Variants in GRM7 observed in about 807,000 individuals in gnomAD.
GRM7 encodes the protein metabotropic glutamate receptor 7.
A neutral mutation model predicts 84.5 loss-of-function variants in GRM7; 35 were observed. The ratio of observed to expected loss-of-function variants is 0.41; its 90% CI spans 0.32 to 0.55. The LOEUF (loss-of-function observed/expected upper bound fraction) is 0.55, where lower values mean the gene tolerates loss of function less well. GRM7 is among the 20% of genes least tolerant of loss of function. The pLI is 0.19. For missense variants in GRM7, 1,003 were observed against 1,194.6 expected (o/e 0.84, Z 2.36); for synonymous variants, 487 against 455.1 (o/e 1.07, Z -0.89).
intron 8 of GRM7, among the ~76,000 whole-genome samples, chr3:7,671,886 A>C (rs573304975): frequency 4.9e-4 from 75 of 152,160 alleles, no homozygotes; most frequent in Non-Finnish European, 9.0e-4. Context: ...ATGAGGTAGG[A>C]GTTTATATCA....
At chr3:6,869,763 A>G (rs1391645464) in intron 1 of GRM7, among the ~76,000 whole-genome samples, 1 of 152,182 alleles carries the variant, frequency 6.6e-6, no homozygotes, top group African/African-American at 2.4e-5. Context: ...GGAAATAATG[A>G]ATTCCATGGA....
chr3:7,520,377 A>C (rs1700550158), intron 7 of GRM7: 1 of 152,214 alleles, frequency 6.6e-6, no homozygotes. Context: ...GTATGTATCC[A>C]GCTTAGGCAT....
intron 4 of GRM7, among the ~76,000 whole-genome samples, chr3:7,382,428 CT>C (rs1347492680): frequency 1.3e-5 from 2 of 152,108 alleles, no homozygotes; most frequent in African/African-American, 4.8e-5. Flanking sequence ...TGGTGTGTAT[CT>C]TGGCTTTATT....
At chr3:7,070,345 C>A (rs962979006) in intron 1 of GRM7, among the ~76,000 whole-genome samples, 27 of 152,182 alleles carry the variant, frequency 1.8e-4, no homozygotes, top group African/African-American at 6.0e-4. Flanking sequence ...AACCTGCTCT[C>A]AATGTTGTAG....
chr3:7,468,528 T>C (rs1294190544), intron 7 of GRM7, among the ~76,000 whole-genome samples: 1 of 152,152 alleles, frequency 6.6e-6, no homozygotes, highest in African/African-American at 2.4e-5. Flanking sequence ...ATGTAGTAAA[T>C]GTTCAGCAAA....
At chr3:6,955,554 G>C (rs1229648117) in intron 1 of GRM7, among the ~76,000 whole-genome samples, 1 of 151,088 alleles carries the variant, frequency 6.6e-6, no homozygotes, top group Non-Finnish European at 1.5e-5. Context: ...AAGAAGAATA[G>C]AATGACAGGG....
intron 1 of GRM7, among the ~76,000 whole-genome samples, chr3:6,906,553 ATT>A (rs944760759): frequency 6.6e-6 from 1 of 152,080 alleles, no homozygotes; most frequent in African/African-American, 2.4e-5. Flanking sequence ...GACTGGGGGC[ATT>A]TAAAATAATT....
At chr3:7,424,356 C>T (rs1452102157) in intron 5 of GRM7, among the ~76,000 whole-genome samples, 2 of 151,862 alleles carry the variant, frequency 1.3e-5, no homozygotes, top group African/African-American at 4.8e-5. Flanking sequence ...TTAAGTAGCC[C>T]ATCTTTCCTT....
intron 4 of GRM7, among the ~76,000 whole-genome samples, chr3:7,372,534 T>A (rs572716147): frequency 5.3e-4 from 81 of 152,248 alleles, no homozygotes; most frequent in African/African-American, 1.9e-3. Flanking sequence ...AGGCCTTAAT[T>A]GTACGCCATT....
At chr3:7,630,886 A>G (rs1697832741) in intron 8 of GRM7, among the ~76,000 whole-genome samples, 1 of 152,210 alleles carries the variant, frequency 6.6e-6, no homozygotes, top group African/African-American at 2.4e-5. Flanking sequence ...CATTGCTGTT[A>G]AGTGTTAAGC....
At chr3:7,070,620 A>G (rs1317393145) in intron 1 of GRM7, among the ~76,000 whole-genome samples, 1 of 151,984 alleles carries the variant, frequency 6.6e-6, no homozygotes, top group African/African-American at 2.4e-5. Flanking sequence ...CACTACGGGG[A>G]TATAACGGAT....
intron 8 of GRM7, chr3:7,591,472 G>C (rs1010969620): frequency 9.0e-6 from 4 of 446,148 alleles, no homozygotes; most frequent in Non-Finnish European, 1.8e-5. Context: ...GTTTTATGCT[G>C]TATATCAAAA....
In GRM7 at chr3:7,079,912, G is replaced by A. The variant is rs139743112; in HGVS notation, c.520-66540G>A. On this transcript the variant is annotated intron_variant, in intron 1 of 9. Coordinates refer to ENST00000357716, the MANE Select transcript of GRM7 (RefSeq NM_000844.4). Reference sequence around the variant, plus strand: ...TGGAGCAAGTGCTCAATAAGTGTTTGTTCATTTGTTTTTCTAGCTGGAAAT... The same window carrying A: ...TGGAGCAAGTGCTCAATAAGTGTTTATTCATTTGTTTTTCTAGCTGGAAAT... 4.6e-5 allele frequency among the ~76,000 whole-genome samples: 7 copies of A among 152,178 alleles called. No individual in the cohort carries two copies. In the East Asian group the frequency reaches 1.2e-3, roughly 25 times the overall value.
chr3:6,893,559 A>G lies in GRM7; in HGVS notation c.519+31652A>G, dbSNP rs78173300. Among the ~76,000 whole-genome samples the G allele has an allele frequency of 6.4e-3, 974 of 152,286 alleles. 15 individuals carry two copies. Among genetic ancestry groups the G allele is most frequent in the African/African-American group, 0.023 (947 of 41,566 alleles). On this transcript the variant is annotated intron_variant, in intron 1 of 9. Transcript: ENST00000357716. ...AACATGCCCACCATCTTGTAAGTATATGCCATTAGTTTTATAGGTGCTCAA... is the reference window on the plus strand; with the variant it reads ...AACATGCCCACCATCTTGTAAGTATGTGCCATTAGTTTTATAGGTGCTCAA...
At chr3:6,875,353 G>A (rs1695263591) in intron 1 of GRM7, among the ~76,000 whole-genome samples, 1 of 152,034 alleles carries the variant, frequency 6.6e-6, no homozygotes, top group Non-Finnish European at 1.5e-5. Flanking sequence ...TGTGCTGAGG[G>A]CGGGGCCAGG....
At position 7,714,545 on chromosome 3, in the gene GRM7, T is replaced by G. The variant is rs1453637941; in HGVS notation, c.2699-25812T>G. ...AGAAATGCATTCACTTAGGTTCCATTGCAGATTGAGTCAGAATCTGCATTC... is the reference window on the plus strand; with the variant it reads ...AGAAATGCATTCACTTAGGTTCCATGGCAGATTGAGTCAGAATCTGCATTC... On this transcript the variant is annotated intron_variant, in intron 9 of 9. Transcript: ENST00000357716. Among the ~76,000 whole-genome samples, 4 of 152,322 alleles carry G rather than the reference T, an allele frequency of 2.6e-5. No homozygotes were observed. The East Asian group carries it at 7.7e-4, about 29-fold the overall frequency.
At chr3:6,960,956 C>A (rs1475921463) in intron 1 of GRM7, among the ~76,000 whole-genome samples, 1 of 152,156 alleles carries the variant, frequency 6.6e-6, no homozygotes, top group African/African-American at 2.4e-5. Context: ...AAATTTTACT[C>A]ATTTCTCCTT....
Position 7,586,619 on chromosome 3 carries a change from C to T in GRM7, c.2451+7262C>T, listed in dbSNP as rs149697738. Among the ~76,000 whole-genome samples, 305 of 152,230 alleles carry T rather than the reference C, an allele frequency of 2.0e-3. 1 individual carries two copies. Among genetic ancestry groups the T allele is most frequent in the African/African-American group, 4.4e-3 (183 of 41,538 alleles). The stretch of plus-strand genomic sequence containing the variant: ...GGTCAGGAGTTCGAGACCAGCTTGG[C>T]CAACATGGTGAAATCCTGTCTCTAC... On this transcript the variant is annotated intron_variant, in intron 8 of 9. Transcript: ENST00000357716.
chr3:7,475,659 G>A (rs1217164716), intron 7 of GRM7, among the ~76,000 whole-genome samples: 1 of 152,172 alleles, frequency 6.6e-6, no homozygotes, highest in South Asian at 2.1e-4. Flanking sequence ...ACGAGAGGAG[G>A]CTTGAGCAGA....
Sources: gnomAD v4.1 joint callset for allele counts (sites outside exome capture counted in the v4.1 genomes callset) on GRCh38, gnomAD v4.1.1 for gene constraint, MANE v1.5 for transcripts, NCBI Gene and HGNC (gene_info 2026-07-23, HGNC 2026-07-21) for gene names.